SMURF1: variants seen among roughly 807,000 people sequenced by gnomAD.
The protein encoded by SMURF1 is SMAD specific E3 ubiquitin protein ligase 1.
A neutral mutation model predicts 98.0 loss-of-function variants in SMURF1; 44 were observed. The observed-to-expected ratio is 0.45, with a 90% CI of 0.35 to 0.58. The LOEUF is 0.58. SMURF1 is among the 20% of genes least tolerant of loss of function. The pLI, the probability that SMURF1 is intolerant of heterozygous loss-of-function variation, is 0.00. For missense variants in SMURF1, 687 were observed against 938.4 expected, an observed-to-expected ratio of 0.73 and a Z score of 3.50; for synonymous variants, 396 against 374.9, an observed-to-expected ratio of 1.06 and a Z score of -0.65.
chr7:99,053,959 C>T (rs917811070), intron 6 of SMURF1, among the ~76,000 whole-genome samples: 1 of 152,202 alleles, frequency 6.6e-6, no homozygotes, highest in South Asian at 2.1e-4. Context: ...GAGCCAGGGT[C>T]TTGCTGTGTC....
intron 1 of SMURF1, among the ~76,000 whole-genome samples, chr7:99,130,357 G>T (rs556941056): frequency 6.6e-6 from 1 of 152,198 alleles, no homozygotes; most frequent in African/African-American, 2.4e-5. Flanking sequence ...GGAGGCTGAG[G>T]CAGGAGAATC....
intron 9 of SMURF1, 92 bp downstream of exon 9, chr7:99,049,471 A>AAGAC: frequency 7.7e-7 from 1 of 1,297,842 alleles, no homozygotes; most frequent in South Asian, 1.4e-5. Context: ...TCCAACCAGC[A>AAGAC]AGACAGTCAA....
intron 1 of SMURF1, among the ~76,000 whole-genome samples, chr7:99,126,836 G>C (rs900399671): frequency 5.3e-5 from 8 of 152,208 alleles, no homozygotes; most frequent in Non-Finnish European, 1.0e-4. Context: ...TTCATTCAAA[G>C]TGTTATGAAT....
In SMURF1 at chr7:99,030,460, C is replaced by G. The variant is rs1039799580; in HGVS notation, c.*124G>C. On this transcript the variant is annotated 3_prime_UTR_variant, in exon 18 of 18. Transcript: ENST00000361368. ...CCTCCCCCAACAGAAAGGAGAGAGACAACCCTTTCCCCTCAGGTGATCTGG... is the reference window on the plus strand; with the variant it reads ...CCTCCCCCAACAGAAAGGAGAGAGAGAACCCTTTCCCCTCAGGTGATCTGG... The G allele has an allele frequency of 2.5e-6, 2 of 804,110 alleles. No individual in the cohort carries two copies. The highest frequency in any genetic ancestry group is 4.1e-6 in the Non-Finnish European group (2 of 487,558). 49.8% of individuals were successfully genotyped at this position (804,110 alleles called of 1,614,324 possible). A position where few individuals can be genotyped will look rare whatever the true frequency, so the allele number is the denominator to read the frequency against.
intron 11 of SMURF1, among the ~76,000 whole-genome samples, chr7:99,044,270 C>T (rs1233319820): frequency 6.6e-6 from 1 of 152,112 alleles, no homozygotes. Flanking sequence ...CGAGATCCAG[C>T]CAGTGGACTC....
chr7:99,118,736 G>T (rs1336231196), intron 1 of SMURF1, among the ~76,000 whole-genome samples: 1 of 152,156 alleles, frequency 6.6e-6, no homozygotes. Context: ...ACAACACTGG[G>T]AATGTACTAA....
intron 1 of SMURF1, 137 bp downstream of exon 1, chr7:99,143,589 G>T: frequency 1.5e-6 from 1 of 649,848 alleles, no homozygotes; most frequent in Admixed American, 4.3e-5. Context: ...GAAGCGAGGG[G>T]CGCACGCCGA....
In SMURF1 at chr7:99,140,281, CTTTTTTTT is replaced by C. The variant is rs11421940; in HGVS notation, c.55+3437_55+3444del. On this transcript the variant is annotated intron_variant, in intron 1 of 17. Coordinates refer to ENST00000361368, the MANE Select transcript of SMURF1 (RefSeq NM_181349.3). ...TTCTAAATGTAGTATCTTCAGTATC[CTTTTTTTT>C]TTTTTTTTTTTTTTTGAGACAGAGT... Among the ~76,000 whole-genome samples the C allele has an allele frequency of 5.8e-5, 5 of 85,816 alleles. No homozygotes were observed. The East Asian group carries it at 1.6e-3, about 27-fold the overall frequency. The allele number at this position is 85,816 out of a possible 152,430, so 56.3% of individuals were successfully genotyped here.
chr7:99,131,550 C>G (rs1363490276), intron 1 of SMURF1, among the ~76,000 whole-genome samples: 3 of 152,044 alleles, frequency 2.0e-5, no homozygotes, highest in African/African-American at 7.2e-5. Flanking sequence ...TCTGGACAAG[C>G]CTGGGCAATA....
intron 1 of SMURF1, among the ~76,000 whole-genome samples, chr7:99,143,151 G>A (rs1219339516): frequency 1.5e-5 from 2 of 131,896 alleles, no homozygotes; most frequent in African/African-American, 2.9e-5. Flanking sequence ...GGAGGCGGGA[G>A]CAGAGAGGAG....
At chr7:99,075,866 A>G (rs538113965) in intron 1 of SMURF1, among the ~76,000 whole-genome samples, 7 of 152,306 alleles carry the variant, frequency 4.6e-5, no homozygotes, top group African/African-American at 1.7e-4. Flanking sequence ...TTTGAAGAAC[A>G]TCAGTTGACA....
chr7:99,075,159 C>G (rs1243344786), intron 1 of SMURF1, among the ~76,000 whole-genome samples: 1 of 152,208 alleles, frequency 6.6e-6, no homozygotes, highest in Non-Finnish European at 1.5e-5. Context: ...CACTCTGTCA[C>G]CCAGGCTGGA....
intron 3 of SMURF1, among the ~76,000 whole-genome samples, chr7:99,058,442 T>G (rs1442438721): frequency 6.6e-6 from 1 of 152,196 alleles, no homozygotes; most frequent in Non-Finnish European, 1.5e-5. Flanking sequence ...TTTACTATAT[T>G]TTAATAGTCG....
intron 1 of SMURF1, among the ~76,000 whole-genome samples, chr7:99,114,167 T>C (rs556348650): frequency 1.3e-5 from 2 of 152,268 alleles, no homozygotes; most frequent in African/African-American, 4.8e-5. Context: ...AATTAAGATG[T>C]TAATTGTAAA....
chr7:99,116,893 C>T (rs1005582159), intron 1 of SMURF1, among the ~76,000 whole-genome samples: 7 of 152,194 alleles, frequency 4.6e-5, no homozygotes, highest in South Asian at 4.1e-4. Flanking sequence ...ATAGCAAAAA[C>T]GATCTGGAAA....
At chr7:99,119,908 T>C (rs1797562896) in intron 1 of SMURF1, among the ~76,000 whole-genome samples, 1 of 152,212 alleles carries the variant, frequency 6.6e-6, no homozygotes, top group Non-Finnish European at 1.5e-5. Flanking sequence ...ATTTGATGTA[T>C]TGGTTTAACT....
chr7:99,064,121 C>G (rs1014173438), intron 1 of SMURF1, among the ~76,000 whole-genome samples: 1 of 152,184 alleles, frequency 6.6e-6, no homozygotes, highest in African/African-American at 2.4e-5. Context: ...ATAAACTCAA[C>G]TTGGTCACGG....
At chr7:99,132,116 C>T (rs541660916) in intron 1 of SMURF1, among the ~76,000 whole-genome samples, 3 of 152,114 alleles carry the variant, frequency 2.0e-5, no homozygotes, top group African/African-American at 7.2e-5. Flanking sequence ...CCCAGAAGCC[C>T]AAGATAGAGT....
At chr7:99,133,684 A>G (rs1464000215) in intron 1 of SMURF1, among the ~76,000 whole-genome samples, 1 of 152,232 alleles carries the variant, frequency 6.6e-6, no homozygotes, top group Non-Finnish European at 1.5e-5. Context: ...AGTGTATGCA[A>G]ATACTCACCA....
Sources: gnomAD v4.1 joint callset for allele counts (sites outside exome capture counted in the v4.1 genomes callset) on GRCh38, gnomAD v4.1.1 for gene constraint, MANE v1.5 for transcripts, NCBI Gene and HGNC (gene_info 2026-07-23, HGNC 2026-07-21) for gene names.